Variants in OPRM1 observed in about 807,000 individuals in gnomAD.
OPRM1 encodes the protein mu-type opioid receptor.
In OPRM1, 27 loss-of-function variants were observed where a neutral mutation model predicts 31.8. The observed-to-expected ratio is 0.85, with a 90% CI of 0.63 to 1.17. OPRM1 has a LOEUF of 1.17. Ranked by LOEUF, OPRM1 falls within the 50% of genes most tolerant of loss-of-function variation. OPRM1 has a pLI of 0.00. For missense variants in OPRM1, 536 were observed against 511.1 expected (o/e 1.05, Z -0.47); for synonymous variants, 196 against 189.9 (o/e 1.03, Z -0.26).
chr6:154,093,026 G>T (rs9479758), intron 3 of OPRM1, among the ~76,000 whole-genome samples: 12,488 of 152,202 alleles, frequency 0.082, 551 homozygotes, highest in Non-Finnish European at 0.093. Flanking sequence ...CAAAAACAGC[G>T]ATTACTTTTG....
rs1583618696 is a variant in OPRM1, at chr6:154,118,692, C to G, written c.1174C>G (p.Leu392Val). The G allele has an allele frequency of 6.2e-7, 1 of 1,613,302 alleles. No individual in the cohort carries two copies. Among genetic ancestry groups the G allele is most frequent in the African/African-American group, 1.3e-5 (1 of 75,038 alleles). ...VDRTNHQLEN[L>V]EAETAPLP ...CTTTCTCTCCTTTCAGCTAGAAAAT[C>G]TGGAAGCAGAAACTGCTCCGTTGCC... The change falls in exon 4 of 4, where the codon CTG becomes GTG. Residue 392 changes from leucine (L) to valine (V), a missense_variant. Coordinates refer to ENST00000330432, the MANE Select transcript of OPRM1 (RefSeq NM_000914.5).
intron 3 of OPRM1, among the ~76,000 whole-genome samples, chr6:154,187,107 T>C (rs1801440928): frequency 6.6e-6 from 1 of 151,210 alleles, no homozygotes; most frequent in Admixed American, 6.6e-5. Context: ...ACTGCACTTG[T>C]TGTGTTTTTG....
Position 154,039,837 on chromosome 6 carries a change from A to G in OPRM1, c.290+3A>G. On this transcript the variant is annotated splice_donor_region_variant and intron_variant, in intron 1 of 3. Coordinates refer to ENST00000330432, the MANE Select transcript of OPRM1 (RefSeq NM_000914.5). ...CTGGTCATGTATGTGATTGTCAGGTAAGGAAAGCGCCAGGGCTCCGAGCGG... is the reference window on the plus strand; with the variant it reads ...CTGGTCATGTATGTGATTGTCAGGTGAGGAAAGCGCCAGGGCTCCGAGCGG... 1 of 1,572,714 alleles carries G rather than the reference A, an allele frequency of 6.4e-7. No homozygotes were observed. Among genetic ancestry groups the G allele is most frequent in the Non-Finnish European group, 8.6e-7 (1 of 1,162,734 alleles).
intron 3 of OPRM1, among the ~76,000 whole-genome samples, chr6:154,110,176 G>T (rs1193817833): frequency 1.1e-4 from 17 of 151,914 alleles, no homozygotes; most frequent in Admixed American, 7.2e-4. Flanking sequence ...AATAGAGCAG[G>T]GTTTTCCCTT....
At chr6:154,152,177 A>AG (rs1798517251) in intron 3 of OPRM1, among the ~76,000 whole-genome samples, 1 of 146,832 alleles carries the variant, frequency 6.8e-6, no homozygotes, top group Admixed American at 6.7e-5. Flanking sequence ...AAACAAAAAA[A>AG]AAAAAGAAAG....
chr6:154,145,766 T>C lies in OPRM1; in HGVS notation c.1164+54294T>C, dbSNP rs536516898. 1.3e-3 allele frequency among the ~76,000 whole-genome samples: 192 copies of C among 152,348 alleles called. 2 individuals carry two copies. The highest frequency in any genetic ancestry group is 4.5e-3 in the African/African-American group (187 of 41,578). On this transcript the variant is annotated intron_variant, in intron 3 of 3. Coordinates refer to the OPRM1 transcript ENST00000337049. ...CTACAGGAATCAAAGATGTGCGGTATTGACAGAGGGATAGAGACATGGATC... is the reference window on the plus strand; with the variant it reads ...CTACAGGAATCAAAGATGTGCGGTACTGACAGAGGGATAGAGACATGGATC...
intron 1 of OPRM1, chr6:154,087,476 A>T: frequency 1.0e-6 from 1 of 985,484 alleles, no homozygotes; most frequent in South Asian, 4.7e-5. Context: ...GCCTGGCTTC[A>T]GGTGTGGGGT....
At chr6:154,081,373 G>C (rs991835951) in intron 1 of OPRM1, among the ~76,000 whole-genome samples, 3 of 152,174 alleles carry the variant, frequency 2.0e-5, no homozygotes, top group Non-Finnish European at 4.4e-5. Flanking sequence ...AGGCGTGGTG[G>C]CGGGCGCCTG....
chr6:154,228,459 T>A (rs1779446045), intron 3 of OPRM1, among the ~76,000 whole-genome samples: 1 of 152,222 alleles, frequency 6.6e-6, no homozygotes, highest in Non-Finnish European at 1.5e-5. Context: ...TAGTCTTAAA[T>A]TCAGAAGAAA....
chr6:154,166,067 A>G (rs1799400688), intron 3 of OPRM1, among the ~76,000 whole-genome samples: 1 of 152,268 alleles, frequency 6.6e-6, no homozygotes, highest in Non-Finnish European at 1.5e-5. Flanking sequence ...ACCTGGGGGC[A>G]GAGGCATTTG....
At chr6:154,018,558 A>G (rs1778149100) in intron 1 of OPRM1, among the ~76,000 whole-genome samples, 1 of 150,056 alleles carries the variant, frequency 6.7e-6, no homozygotes, top group East Asian at 1.9e-4. Flanking sequence ...GTGGGAGACC[A>G]AAACCAATTA....
At chr6:154,106,771 G>C (rs1032605047) in intron 3 of OPRM1, among the ~76,000 whole-genome samples, 6 of 152,164 alleles carry the variant, frequency 3.9e-5, no homozygotes, top group African/African-American at 1.4e-4. Flanking sequence ...ATATCCCCAG[G>C]CCTTATCTAG....
chr6:154,076,247 A>C (rs1787865859), intron 1 of OPRM1, among the ~76,000 whole-genome samples: 1 of 152,190 alleles, frequency 6.6e-6, no homozygotes. Context: ...AACATGTACA[A>C]ACACACCCAC....
chr6:154,024,548 G>C (rs1323592561), intron 1 of OPRM1, among the ~76,000 whole-genome samples: 1 of 149,758 alleles, frequency 6.7e-6, no homozygotes. Context: ...ATTTATTTCT[G>C]CCCTGATTTT....
At chr6:154,055,883 G>T (rs900817704) in intron 1 of OPRM1, among the ~76,000 whole-genome samples, 6 of 152,154 alleles carry the variant, frequency 3.9e-5, no homozygotes, top group Admixed American at 3.3e-4. Flanking sequence ...TCTCAAGCAG[G>T]ATCTAAGTCT....
chr6:154,237,943 C>A (rs13193952), intron 3 of OPRM1, among the ~76,000 whole-genome samples: 40,756 of 151,932 alleles, frequency 0.27, 6,030 homozygotes, highest in Admixed American at 0.45. Flanking sequence ...AGTGTGTGTG[C>A]ACTTATGTAC....
At chr6:154,217,863 C>A (rs980780215) in intron 3 of OPRM1, among the ~76,000 whole-genome samples, 6 of 152,042 alleles carry the variant, frequency 3.9e-5, no homozygotes, top group African/African-American at 1.4e-4. Context: ...GTGTCTGAAA[C>A]AAGAAAAGGC....
chr6:154,238,945 G>A (rs1780361050), intron 3 of OPRM1, among the ~76,000 whole-genome samples: 1 of 151,370 alleles, frequency 6.6e-6, no homozygotes, highest in Non-Finnish European at 1.5e-5. Context: ...AAAAAAAGAA[G>A]TTGTGGAAAC....
intron 3 of OPRM1, among the ~76,000 whole-genome samples, chr6:154,233,935 G>A (rs1455058373): frequency 6.6e-6 from 1 of 152,166 alleles, no homozygotes; most frequent in Non-Finnish European, 1.5e-5. Flanking sequence ...TAGGCCGGAC[G>A]CCGTGGCTCA....
Sources: gnomAD v4.1 joint callset for allele counts (sites outside exome capture counted in the v4.1 genomes callset) on GRCh38, gnomAD v4.1.1 for gene constraint, MANE v1.5 for transcripts, NCBI Gene and HGNC (gene_info 2026-07-23, HGNC 2026-07-21) for gene names.